The following PCDH11X variants were observed in gnomAD, a reference collection of about 807,000 sequenced individuals.
PCDH11X encodes protocadherin-11 X-linked.
PCDH11X carries 18 observed loss-of-function variants against 53.3 expected under a neutral mutation model. The ratio of observed to expected loss-of-function variants is 0.34; its 90% confidence interval spans 0.23 to 0.50. The LOEUF (loss-of-function observed/expected upper bound fraction) is 0.50. Among genes scored for constraint, PCDH11X ranks in the 20% least tolerant of loss-of-function variants. The pLI is 0.98. For synonymous variants in PCDH11X, 279 were observed against 393.3 expected (o/e 0.71, Z 3.44); for missense variants, 570 against 1,032.4 (o/e 0.55, Z 6.14).
chrX:92,250,595 GTATA>G, intron 7 of PCDH11X, among the ~76,000 whole-genome samples: 1 of 99,494 alleles, frequency 1.0e-5, no homozygotes, highest in East Asian at 3.0e-4. Context: ...ATGTGTGTAT[GTATA>G]TATATATATA....
intron 6 of PCDH11X, among the ~76,000 whole-genome samples, chrX:92,192,710 A>C (rs1174644020): frequency 9.1e-6 from 1 of 110,139 alleles, no homozygotes; most frequent in African/African-American, 3.3e-5. Flanking sequence ...AAGCTAGAGT[A>C]GACCCGGGTT....
chrX:92,024,551 A>T (rs1487656817), intron 6 of PCDH11X, among the ~76,000 whole-genome samples: 1 of 109,451 alleles, frequency 9.1e-6, no homozygotes. Context: ...AGACTCATAG[A>T]TAGGAAGAAT....
intron 8 of PCDH11X, among the ~76,000 whole-genome samples, chrX:92,311,049 A>G (rs1159887689): frequency 8.9e-6 from 1 of 111,910 alleles, no homozygotes; most frequent in Non-Finnish European, 1.9e-5. Flanking sequence ...CTAAATTTCC[A>G]GTTTATCTAA....
At chrX:92,163,804 C>G (rs2065684803) in intron 6 of PCDH11X, among the ~76,000 whole-genome samples, 1 of 111,407 alleles carries the variant, frequency 9.0e-6, no homozygotes, top group South Asian at 3.8e-4. Context: ...ATGCAGGTCT[C>G]CACACACTGC....
intron 9 of PCDH11X, among the ~76,000 whole-genome samples, chrX:92,434,002 C>G (rs927345651): frequency 1.8e-5 from 2 of 110,058 alleles, no homozygotes; most frequent in Non-Finnish European, 3.8e-5. Flanking sequence ...TACTTGGGAT[C>G]CAAGGGGGAT....
intron 6 of PCDH11X, among the ~76,000 whole-genome samples, chrX:91,983,877 C>A (rs920702916): frequency 9.0e-6 from 1 of 110,812 alleles, no homozygotes; most frequent in African/African-American, 3.3e-5. Context: ...TAGAAAATTG[C>A]TCATATTTAT....
intron 6 of PCDH11X, among the ~76,000 whole-genome samples, chrX:92,053,365 A>G (rs1223340666): frequency 1.9e-5 from 2 of 107,545 alleles, no homozygotes; most frequent in Admixed American, 1.0e-4. Flanking sequence ...TTGACTTTAA[A>G]TCTGATTTGT....
chrX:91,812,064 C>T (rs1320225640), intron 4 of PCDH11X, among the ~76,000 whole-genome samples: 1 of 110,369 alleles, frequency 9.1e-6, no homozygotes, highest in East Asian at 2.8e-4. Context: ...AGTTTGTCCA[C>T]TTAGTGATTA....
chrX:92,216,597 G>T (rs1190119433), intron 7 of PCDH11X, among the ~76,000 whole-genome samples: 1 of 98,652 alleles, frequency 1.0e-5, no homozygotes, highest in Non-Finnish European at 2.1e-5. Context: ...GAAAGTGACG[G>T]GGAGAATGGA....
At chrX:92,259,760 G>A (rs913492406) in intron 7 of PCDH11X, among the ~76,000 whole-genome samples, 15 of 111,615 alleles carry the variant, frequency 1.3e-4, no homozygotes, top group African/African-American at 4.2e-4. Flanking sequence ...GTAGTACCTG[G>A]GTATCACTGC....
intron 1 of PCDH11X, among the ~76,000 whole-genome samples, chrX:91,789,220 A>G (rs1038822742): frequency 5.6e-5 from 6 of 107,825 alleles, no homozygotes; most frequent in African/African-American, 1.0e-4. Context: ...AAAAAAAAAA[A>G]AAAGAAAAGA....
Position 92,619,898 on chromosome X carries a change from G to C in PCDH11X, c.*958G>C, listed in dbSNP as rs1360442663. 1.9e-5 allele frequency: 2 copies of C among 107,853 alleles called. No individual in the cohort carries two copies. Among genetic ancestry groups the C allele is most frequent in the East Asian group, 5.9e-4 (2 of 3,406 alleles). 8.9% of individuals were successfully genotyped at this position (107,853 alleles called of 1,213,427 possible). ...CGACGGTAAACTACTATTTTGTAGA[G>C]AAACTCAGGAAGATTTAAATGTTGA... On this transcript the variant is annotated 3_prime_UTR_variant, in exon 11 of 11. Coordinates refer to ENST00000682573, the MANE Select transcript of PCDH11X (RefSeq NM_032968.5).
chrX:92,511,627 A>T (rs1011379745), intron 10 of PCDH11X, among the ~76,000 whole-genome samples: 1 of 111,514 alleles, frequency 9.0e-6, no homozygotes, highest in Non-Finnish European at 1.9e-5. Flanking sequence ...GATACAGAGA[A>T]GTTAACTGCA....
chrX:92,325,969 T>C (rs1291512515), intron 8 of PCDH11X, among the ~76,000 whole-genome samples: 1 of 112,381 alleles, frequency 8.9e-6, no homozygotes, highest in Non-Finnish European at 1.9e-5. Context: ...TAGCATGTTA[T>C]CCCTTTCAGA....
chrX:92,490,693 C>A (rs1388884898), intron 10 of PCDH11X, among the ~76,000 whole-genome samples: 1 of 100,818 alleles, frequency 9.9e-6, no homozygotes, highest in Non-Finnish European at 2.0e-5. Context: ...GCCCAGGAGA[C>A]CTTGTTCTAA....
At chrX:92,505,217 CTT>C (rs35567791) in intron 10 of PCDH11X, among the ~76,000 whole-genome samples, 11,467 of 39,832 alleles carry the variant, frequency 0.29, 1,172 homozygotes, top group Non-Finnish European at 0.34. Context: ...TCACACTTGT[CTT>C]TTTTTTTTTT....
intron 6 of PCDH11X, among the ~76,000 whole-genome samples, chrX:91,910,397 A>C (rs1454644222): frequency 9.0e-6 from 1 of 110,567 alleles, no homozygotes; most frequent in Non-Finnish European, 1.9e-5. Context: ...TATGCGGTGA[A>C]ATGTTACCAC....
In PCDH11X at chrX:92,179,863, T is replaced by C. The variant is rs896130676; in HGVS notation, c.3034-21512T>C. Reference sequence around the variant, plus strand: ...CAATCAGCAGTAGAGTACTTCTCTCTATGTTACCATATTCAGTGATCAGTT... The same window carrying C: ...CAATCAGCAGTAGAGTACTTCTCTCCATGTTACCATATTCAGTGATCAGTT... On this transcript the variant is annotated intron_variant, in intron 6 of 10. Coordinates refer to ENST00000682573, the MANE Select transcript of PCDH11X (RefSeq NM_032968.5). 2.7e-5 allele frequency among the ~76,000 whole-genome samples: 3 copies of C among 111,881 alleles called. No homozygotes were observed. In the East Asian group the frequency reaches 8.5e-4, roughly 32 times the overall value.
chrX:92,009,017 A>G (rs1189775456), intron 6 of PCDH11X, among the ~76,000 whole-genome samples: 8 of 112,314 alleles, frequency 7.1e-5, no homozygotes, highest in African/African-American at 2.6e-4. Context: ...TCATCCCACA[A>G]ATACTTTATT....
Sources: gnomAD v4.1 joint callset for allele counts (sites outside exome capture counted in the v4.1 genomes callset) on GRCh38, gnomAD v4.1.1 for gene constraint, MANE v1.5 for transcripts, NCBI Gene and HGNC (gene_info 2026-07-23, HGNC 2026-07-21) for gene names.